METAP1: variants seen among roughly 807,000 people sequenced by gnomAD.
METAP1 encodes methionine aminopeptidase 1.
METAP1 carries 28 observed loss-of-function variants against 53.8 expected under a neutral mutation model. The observed-to-expected ratio is 0.52, with a 90% confidence interval of 0.39 to 0.71. METAP1 has a LOEUF of 0.71. Among genes scored for constraint, METAP1 ranks in the 30% least tolerant of loss-of-function variants. The pLI is 0.00. For missense variants in METAP1, 389 were observed against 479.8 expected (o/e 0.81, Z 1.77); for synonymous variants, 181 against 165.7 (o/e 1.09, Z -0.71).
chr4:99,001,410 A>G (rs1309885951), intron 1 of METAP1, among the ~76,000 whole-genome samples: 1 of 152,242 alleles, frequency 6.6e-6, no homozygotes, highest in South Asian at 2.1e-4. Flanking sequence ...AAGATAATCA[A>G]TTACCCAGAG....
intron 9 of METAP1, among the ~76,000 whole-genome samples, chr4:99,052,980 TTATCTG>T (rs1305653758): frequency 2.0e-5 from 3 of 152,184 alleles, no homozygotes; most frequent in African/African-American, 4.8e-5. Flanking sequence ...CTTTCTTTGT[TTATCTG>T]TAAGAAGCAG....
chr4:99,047,048 G>A (rs1726319331), intron 8 of METAP1, among the ~76,000 whole-genome samples: 1 of 151,990 alleles, frequency 6.6e-6, no homozygotes, highest in South Asian at 2.1e-4. Flanking sequence ...AGCCAGGAAG[G>A]AACGAAAGTG....
intron 1 of METAP1, among the ~76,000 whole-genome samples, chr4:98,998,209 C>T (rs568638769): frequency 5.9e-5 from 9 of 152,262 alleles, no homozygotes; most frequent in Middle Eastern, 3.4e-3. Flanking sequence ...TTATTCTAAG[C>T]GCTTTATACA....
chr4:98,995,759 G>T lies in METAP1; in HGVS notation c.6G>T (p.Ala2=). Residue 2 remains alanine, a synonymous_variant, in exon 1 of 11, where the codon GCG becomes GCT. Transcript: ENST00000296411. The part of the protein sequence containing the change: M[A]AVETRVCETD... ...TCTTCCAGCGGGCAGGCAGCATGGC[G>T]GCCGTGGAGACGCGGGTGTGCGAGA... 3.2e-6 allele frequency: 5 copies of T among 1,544,396 alleles called. No homozygotes were observed. Among genetic ancestry groups the T allele is most frequent in the Non-Finnish European group, 3.5e-6 (4 of 1,143,676 alleles).
At chr4:99,039,889 G>A in intron 5 of METAP1, among the ~76,000 whole-genome samples, 1 of 151,914 alleles carries the variant, frequency 6.6e-6, no homozygotes, top group East Asian at 1.9e-4. Flanking sequence ...ACCACACCTG[G>A]CCTTTTTTTG....
chr4:99,008,347 C>T (rs752361121), intron 1 of METAP1, among the ~76,000 whole-genome samples: 7 of 152,032 alleles, frequency 4.6e-5, no homozygotes, highest in African/African-American at 1.5e-4. Context: ...ATGAAATGAT[C>T]GTTAGTAGGG....
In METAP1 at chr4:99,043,302, A is replaced by G; in HGVS notation, c.570A>G (p.Pro190=). Residue 190 remains proline (P), a synonymous_variant, in exon 7 of 11, where the codon CCA becomes CCG. Coordinates refer to ENST00000296411, the MANE Select transcript of METAP1 (RefSeq NM_015143.3). ...YPSPLNYYNF[P]KSCCTSVNEV... is the part of the protein sequence containing the mutation. The stretch of plus-strand genomic sequence containing the variant: ...CTCCCCTGAATTATTATAATTTCCC[A>G]AAGTCTTGTTGTACCTCAGTGAATG... The G allele has an allele frequency of 1.9e-6, 3 of 1,607,000 alleles. No individual in the cohort carries two copies. Among genetic ancestry groups the G allele is most frequent in the Non-Finnish European group, 2.6e-6 (3 of 1,175,524 alleles).
chr4:99,061,042 C>T (rs1168202279), intron 10 of METAP1, 112 bp from the exon 11 acceptor site: 2 of 1,129,212 alleles, frequency 1.8e-6, no homozygotes, highest in East Asian at 2.6e-5. Context: ...TTAGCTAAAA[C>T]AATTGGCATG....
intron 1 of METAP1, chr4:99,022,363 G>T: frequency 1.1e-6 from 1 of 889,368 alleles, no homozygotes; most frequent in African/African-American, 1.7e-5. Context: ...GGGTGGCGGG[G>T]CTCCAAAGAT....
chr4:99,015,888 A>G (rs1372523146), intron 1 of METAP1, among the ~76,000 whole-genome samples: 2 of 152,228 alleles, frequency 1.3e-5, no homozygotes, highest in African/African-American at 4.8e-5. Flanking sequence ...GTTCTTCTTA[A>G]TTTTAACTTG....
intron 1 of METAP1, among the ~76,000 whole-genome samples, chr4:99,014,251 G>T (rs1240928954): frequency 6.6e-6 from 1 of 152,206 alleles, no homozygotes; most frequent in Non-Finnish European, 1.5e-5. Flanking sequence ...GTTTGATAAA[G>T]CAGTAAGTCC....
intron 4 of METAP1, among the ~76,000 whole-genome samples, chr4:99,036,755 T>C (rs1725450048): frequency 6.6e-6 from 1 of 152,098 alleles, no homozygotes; most frequent in Admixed American, 6.6e-5. Flanking sequence ...TTTTTGCTTA[T>C]TGTAATTTGA....
intron 1 of METAP1, among the ~76,000 whole-genome samples, chr4:99,017,756 C>A (rs778822560): frequency 5.9e-5 from 9 of 152,192 alleles, no homozygotes; most frequent in Non-Finnish European, 1.3e-4. Context: ...TGTTAAGTAT[C>A]CCCCAAAGGT....
rs918912619 is a variant in METAP1 at position 99,043,260 on chromosome 4, A to G, written c.528A>G (p.Ala176=). Residue 176 remains alanine, a synonymous_variant, in exon 7 of 11, where the codon GCA becomes GCG. Coordinates refer to ENST00000296411, the MANE Select transcript of METAP1 (RefSeq NM_015143.3). ...IDHAVHLACI[A]RNCYPSPLNY... ...TTTCTGTATTATAGGCATGTATTGCAAGAAATTGCTACCCTTCTCCCCTGA... is the reference window on the plus strand; with the variant it reads ...TTTCTGTATTATAGGCATGTATTGCGAGAAATTGCTACCCTTCTCCCCTGA... The G allele has an allele frequency of 6.3e-7, 1 of 1,587,078 alleles. No homozygotes were observed. Among genetic ancestry groups the G allele is most frequent in the African/African-American group, 1.3e-5 (1 of 74,152 alleles).
At chr4:99,028,954 T>C (rs1304227530) in intron 2 of METAP1, 36 bp downstream of exon 2, 1 of 1,396,452 alleles carries the variant, frequency 7.2e-7, no homozygotes, top group South Asian at 1.4e-5. Context: ...CCATTTGTCT[T>C]AGAAGTGGCA....
At chr4:99,020,427 T>A (rs1187041789) in intron 1 of METAP1, among the ~76,000 whole-genome samples, 2 of 152,136 alleles carry the variant, frequency 1.3e-5, no homozygotes, top group Non-Finnish European at 2.9e-5. Context: ...TCTACATTGT[T>A]CTATCTCTCT....
intron 1 of METAP1, among the ~76,000 whole-genome samples, chr4:98,999,657 C>T (rs1465713551): frequency 6.7e-5 from 10 of 150,356 alleles, no homozygotes; most frequent in East Asian, 2.0e-4. Flanking sequence ...ATTACAGGTG[C>T]GCACCACCAC....
chr4:99,049,651 G>A (rs1482626351), intron 9 of METAP1, among the ~76,000 whole-genome samples: 2 of 152,124 alleles, frequency 1.3e-5, no homozygotes, highest in African/African-American at 4.8e-5. Flanking sequence ...AATGAAAGCT[G>A]TCCACAGTAA....
At chr4:99,012,463 C>A (rs1259399127) in intron 1 of METAP1, among the ~76,000 whole-genome samples, 1 of 151,506 alleles carries the variant, frequency 6.6e-6, no homozygotes, top group Non-Finnish European at 1.5e-5. Flanking sequence ...TTAGTAGAGA[C>A]AGGGTTTCAC....
Sources: allele counts gnomAD v4.1 joint callset (sites outside exome capture counted in the v4.1 genomes callset), GRCh38; gene constraint gnomAD v4.1.1; transcripts MANE v1.5; gene names NCBI Gene and HGNC (gene_info 2026-07-23, HGNC 2026-07-21).